USP39: variants seen among roughly 807,000 people sequenced by gnomAD.
The protein encoded by USP39 is ubiquitin specific peptidase 39, also known as ubiquitin carboxyl-terminal hydrolase 39.
A neutral mutation model predicts 66.4 loss-of-function variants in USP39; 38 were observed. The ratio of observed to expected loss-of-function variants is 0.57; its 90% CI spans 0.44 to 0.75. The LOEUF (loss-of-function observed/expected upper bound fraction) is 0.75. Ranked by LOEUF, USP39 falls within the 30% of genes least tolerant of loss-of-function variation. The pLI, the probability that USP39 is intolerant of heterozygous loss-of-function variation, is 0.00. For synonymous variants in USP39, 303 were observed against 274.6 expected, an observed-to-expected ratio of 1.10 and a Z score of -1.02; for missense variants, 608 against 714.4, an observed-to-expected ratio of 0.85 and a Z score of 1.70.
chr2:85,611,466 T>A, upstream of USP39: 2 of 1,547,358 alleles, frequency 1.3e-6, no homozygotes. Flanking sequence ...CTGACAGCGA[T>A]GCTTAACTGG....
At chr2:85,623,357 A>G (rs1674607807) in intron 3 of USP39, among the ~76,000 whole-genome samples, 1 of 146,814 alleles carries the variant, frequency 6.8e-6, no homozygotes, top group Non-Finnish European at 1.5e-5. Context: ...ATATATAGAT[A>G]TATATATAGG....
At chr2:85,603,945 T>C (rs1302721709) in intron 1 of USP39, among the ~76,000 whole-genome samples, 1 of 152,162 alleles carries the variant, frequency 6.6e-6, no homozygotes, top group Non-Finnish European at 1.5e-5. Flanking sequence ...ATATCAGAAG[T>C]GTGCCTGGCA....
chr2:85,610,695 G>C (rs1447986497), upstream of USP39: 1 of 151,430 alleles, frequency 6.6e-6, no homozygotes, highest in Non-Finnish European at 1.5e-5. Context: ...GATGCGGGCA[G>C]ATCACCTGAG....
Position 85,649,129 on chromosome 2 carries a change from A to C in USP39, c.*321A>C. The C allele has an allele frequency of 3.7e-6, 1 of 272,694 alleles. No homozygotes were observed. The highest frequency in any genetic ancestry group is 6.8e-6 in the Non-Finnish European group (1 of 145,986). 16.9% of individuals were successfully genotyped at this position (272,694 alleles called of 1,614,324 possible). A position where few individuals can be genotyped will look rare whatever the true frequency, so the allele number is the denominator to read the frequency against. On this transcript the variant is annotated 3_prime_UTR_variant, in exon 13 of 13. Transcript: ENST00000323701. ...GAGTATCTGGGAGTAGTTGAAGAAC[A>C]GATAATTCCTTCCAAACATCAAGCC...
chr2:85,620,503 T>C (rs1674380198), intron 2 of USP39, among the ~76,000 whole-genome samples: 1 of 151,740 alleles, frequency 6.6e-6, no homozygotes, highest in Admixed American at 6.6e-5. Flanking sequence ...AAAAAAGTTA[T>C]AAGGGCTGTT....
chr2:85,644,912 G>A (rs1162634528), intron 10 of USP39, 36 bp from the exon 11 acceptor site: 1 of 1,612,570 alleles, frequency 6.2e-7, no homozygotes, highest in South Asian at 1.1e-5. Context: ...CACAGCCTTT[G>A]TCTGATTATT....
intron 5 of USP39, among the ~76,000 whole-genome samples, chr2:85,628,631 G>A (rs1198915436): frequency 6.6e-6 from 1 of 152,156 alleles, no homozygotes; most frequent in Non-Finnish European, 1.5e-5. Context: ...CATCTGGAGG[G>A]TGGATAATTC....
At chr2:85,647,538 G>A (rs6743738) in intron 11 of USP39, among the ~76,000 whole-genome samples, 2,507 of 151,744 alleles carry the variant, frequency 0.017, 66 homozygotes, top group African/African-American at 0.058. Flanking sequence ...GCACACACCT[G>A]TAGTTCCAGC....
At chr2:85,642,221 A>G (rs919818015) in intron 10 of USP39, among the ~76,000 whole-genome samples, 3 of 152,220 alleles carry the variant, frequency 2.0e-5, no homozygotes, top group Admixed American at 1.3e-4. Flanking sequence ...TTACAGGGGA[A>G]TTTCTTTTTC....
intron 11 of USP39, among the ~76,000 whole-genome samples, chr2:85,646,889 T>TTC (rs1676685716): frequency 6.7e-6 from 1 of 150,328 alleles, no homozygotes; most frequent in African/African-American, 2.5e-5. Flanking sequence ...GTTGCTTTTT[T>TTC]TTTTTTTTTT....
chr2:85,648,781 TG>T lies in USP39; in HGVS notation c.1672del (p.Asp558MetfsTer13). On this transcript the variant is annotated frameshift_variant, in exon 13 of 13. Transcript: ENST00000323701. LOFTEE classifies it high-confidence loss of function. ...YIQIWKRRDN[D>X]ETNQQGA Reference sequence around the variant, plus strand: ...TACAGATTTGGAAGAGGCGAGATAATGATGAAACCAACCAGCAGGGGGCTTG... The same window carrying T: ...TACAGATTTGGAAGAGGCGAGATAATATGAAACCAACCAGCAGGGGGCTTG... 2.5e-6 allele frequency: 4 copies of T among 1,614,104 alleles called. No homozygotes were observed. Among genetic ancestry groups the T allele is most frequent in the Non-Finnish European group, 3.4e-6 (4 of 1,179,996 alleles).
Position 85,637,411 on chromosome 2 carries a change from C to T in USP39, c.1070C>T (p.Thr357Ile). 1 of 1,614,174 alleles carries T rather than the reference C, an allele frequency of 6.2e-7. No individual in the cohort carries two copies. Among genetic ancestry groups the T allele is most frequent in the South Asian group, 1.1e-5 (1 of 91,084 alleles). The change falls in exon 8 of 13, where the codon ACT becomes ATT. Residue 357 changes from threonine to isoleucine, a missense_variant. By Grantham distance (89) the Thr-to-Ile change is moderately conservative. Around this residue, in one of 6 missense-constraint regions of USP39, gnomAD observed 72 missense variants for 60.1 expected, o/e 1.20. Coordinates refer to ENST00000323701, the MANE Select transcript of USP39 (RefSeq NM_006590.4). ...TTCCAGGGGTCCATGAGGATCTTCA[C>T]TAAAAAGCTTCCCCATCCTGATCTG... The part of the protein sequence containing the change: ...DVFQGSMRIF[T>I]KKLPHPDLPA...
chr2:85,630,598 T>C (rs1026558074), intron 5 of USP39, 123 bp from the exon 6 acceptor site: 1 of 843,898 alleles, frequency 1.2e-6, no homozygotes, highest in African/African-American at 1.7e-5. Flanking sequence ...TCCATTTACT[T>C]TTGGCTCTTT....
intron 2 of USP39, among the ~76,000 whole-genome samples, chr2:85,620,401 C>T (rs974315434): frequency 6.6e-6 from 1 of 151,470 alleles, no homozygotes. Flanking sequence ...ATTGCTTGAA[C>T]CTAGGAGGTT....
At chr2:85,628,834 C>T (rs1420714257) in intron 5 of USP39, among the ~76,000 whole-genome samples, 1 of 152,116 alleles carries the variant, frequency 6.6e-6, no homozygotes, top group Non-Finnish European at 1.5e-5. Flanking sequence ...CTTGTCGGGG[C>T]TTTCCTAATC....
intron 8 of USP39, among the ~76,000 whole-genome samples, chr2:85,638,729 G>A (rs1320882417): frequency 4.0e-5 from 6 of 151,788 alleles, no homozygotes; most frequent in African/African-American, 1.2e-4. Context: ...TAGAGACGGG[G>A]TTTCTCCGTG....
chr2:85,626,525 A>G (rs533325313), intron 5 of USP39, among the ~76,000 whole-genome samples: 1 of 152,306 alleles, frequency 6.6e-6, no homozygotes, highest in East Asian at 1.9e-4. Flanking sequence ...CCTCTGGCTC[A>G]TGGCATCTGG....
At chr2:85,607,551 T>C (rs1391322290), upstream of USP39, 1 of 152,220 alleles carries the variant, frequency 6.6e-6, no homozygotes, top group Non-Finnish European at 1.5e-5. Context: ...TGCCCCAGCA[T>C]TCCTTTGGCA....
chr2:85,646,749 T>C (rs1024861423), intron 11 of USP39, among the ~76,000 whole-genome samples: 1 of 152,168 alleles, frequency 6.6e-6, no homozygotes, highest in Non-Finnish European at 1.5e-5. Context: ...CTAGAAACAT[T>C]TTTTCCTTGT....
Sources: allele counts gnomAD v4.1 joint callset (sites outside exome capture counted in the v4.1 genomes callset), GRCh38; gene constraint gnomAD v4.1.1; regional missense constraint gnomAD v4.1.1; transcripts MANE v1.5; gene names NCBI Gene and HGNC (gene_info 2026-07-23, HGNC 2026-07-21).